Variants in PCDHA4 observed in about 807,000 individuals in gnomAD.
PCDHA4 encodes the protein protocadherin alpha-4.
Under a neutral mutation model 61.4 loss-of-function variants are expected in PCDHA4, and 49 were observed. That is an observed-to-expected ratio of 0.80 (90% CI 0.63 to 1.01). The LOEUF is 1.01. Among genes scored for constraint, PCDHA4 ranks in the 50% least tolerant of loss-of-function variants. The probability of loss-of-function intolerance (pLI) is 0.00; values close to 1 mark genes in which losing one functional copy is unlikely to be tolerated. For synonymous variants in PCDHA4, 590 were observed against 550.3 expected (o/e 1.07, Z -1.01); for missense variants, 1,254 against 1,235.8 (o/e 1.01, Z -0.22).
chr5:140,830,698 C>A, intron 1 of PCDHA4: 1 of 278,556 alleles, frequency 3.6e-6, no homozygotes, highest in Non-Finnish European at 6.4e-6. Flanking sequence ...ATCTGCACCT[C>A]AGAATTTTTG....
intron 1 of PCDHA4, among the ~76,000 whole-genome samples, chr5:140,846,616 C>T (rs2150392938): frequency 5.4e-5 from 8 of 149,000 alleles, no homozygotes; most frequent in East Asian, 3.9e-4. Flanking sequence ...CCTCCTGATC[C>T]GCCCACTTCG....
intron 1 of PCDHA4, chr5:140,869,287 C>G (rs782369184): frequency 6.2e-7 from 1 of 1,613,538 alleles, no homozygotes; most frequent in South Asian, 1.1e-5. Flanking sequence ...GCTGGTGCAG[C>G]GCCTGTTCCG....
intron 1 of PCDHA4, among the ~76,000 whole-genome samples, chr5:140,975,411 G>A (rs868983297): frequency 6.6e-6 from 1 of 152,236 alleles, no homozygotes; most frequent in African/African-American, 2.4e-5. Flanking sequence ...CAGTCTTGGA[G>A]ACTATTCAGG....
intron 3 of PCDHA4, among the ~76,000 whole-genome samples, chr5:140,995,391 G>A (rs2097681152): frequency 1.3e-5 from 2 of 152,170 alleles, no homozygotes; most frequent in African/African-American, 2.4e-5. Context: ...AGGATAAAGC[G>A]GGATGGCTCG....
At chr5:140,822,246 G>A (rs2150114892) in intron 1 of PCDHA4, 11 of 1,614,194 alleles carry the variant, frequency 6.8e-6, no homozygotes, top group East Asian at 4.5e-5. Context: ...AGGGCGCGTC[G>A]GATTTGGATA....
chr5:140,814,816 GCTAT>G (rs1765597379), intron 1 of PCDHA4: 1 of 152,104 alleles, frequency 6.6e-6, no homozygotes, highest in Non-Finnish European at 1.5e-5. Context: ...TTATTGTATT[GCTAT>G]CTATTTCTCC....
chr5:140,956,259 A>G (rs534711265), intron 1 of PCDHA4, among the ~76,000 whole-genome samples: 1 of 152,252 alleles, frequency 6.6e-6, no homozygotes, highest in African/African-American at 2.4e-5. Flanking sequence ...GGTTTTGCCC[A>G]TTCAGTGTGG....
At chr5:140,878,371 G>A (rs543191231) in intron 1 of PCDHA4, among the ~76,000 whole-genome samples, 53 of 152,276 alleles carry the variant, frequency 3.5e-4, no homozygotes, top group Non-Finnish European at 6.5e-4. Flanking sequence ...TCTGACATAT[G>A]ATGAATGATT....
chr5:140,921,940 C>T (rs114983283), intron 1 of PCDHA4, among the ~76,000 whole-genome samples: 6,108 of 151,846 alleles, frequency 0.04, 136 homozygotes, highest in Non-Finnish European at 0.052. Context: ...TATAATTTTA[C>T]ACTTGTAAAA....
chr5:140,934,511 T>A (rs999288213), intron 1 of PCDHA4, among the ~76,000 whole-genome samples: 1 of 152,210 alleles, frequency 6.6e-6, no homozygotes, highest in African/African-American at 2.4e-5. Context: ...AAAGGGTCCA[T>A]AGACCACACT....
chr5:140,927,275 A>G, intron 1 of PCDHA4: 1 of 1,614,124 alleles, frequency 6.2e-7, no homozygotes, highest in Non-Finnish European at 8.5e-7. Flanking sequence ...CCTGCCGGCG[A>G]CGTGCAGCTG....
intron 1 of PCDHA4, among the ~76,000 whole-genome samples, chr5:140,959,741 C>T (rs1415934970): frequency 6.6e-6 from 1 of 152,068 alleles, no homozygotes; most frequent in Admixed American, 6.6e-5. Flanking sequence ...CATCAAAATG[C>T]CTTAAAGTAT....
At chr5:140,862,382 G>A (rs1213049114) in intron 1 of PCDHA4, 1 of 345,048 alleles carries the variant, frequency 2.9e-6, no homozygotes, top group East Asian at 7.5e-5. Context: ...GACTCCTCAC[G>A]TCTCTTCAAG....
rs1554150153 is a variant in PCDHA4 at position 140,857,511 on chromosome 5, T to C, written c.2385+47939T>C. 5 of 1,598,148 alleles carry C rather than the reference T, an allele frequency of 3.1e-6. No homozygotes were observed. In the South Asian group the frequency reaches 5.5e-5, roughly 18 times the overall value. On this transcript the variant is annotated intron_variant, in intron 1 of 3. Transcript: ENST00000530339. ...GACGCGGACGCGCAGGAGAACGCCC[T>C]GGTGTCCTACTCTCTGGTGGAGCGG...
intron 1 of PCDHA4, chr5:140,830,716 A>G (rs1437776192): frequency 8.4e-6 from 2 of 237,240 alleles, no homozygotes; most frequent in Non-Finnish European, 1.6e-5. Flanking sequence ...TTGTCTTCAA[A>G]CCAAAATATT....
intron 1 of PCDHA4, chr5:140,830,286 G>C (rs1434180043): frequency 6.2e-7 from 1 of 1,613,738 alleles, no homozygotes; most frequent in Non-Finnish European, 8.5e-7. Flanking sequence ...GAGGGCGCGT[G>C]CACGGCGGAC....
intron 1 of PCDHA4, among the ~76,000 whole-genome samples, chr5:140,972,955 C>T (rs1450892735): frequency 6.6e-6 from 1 of 152,080 alleles, no homozygotes; most frequent in African/African-American, 2.4e-5. Context: ...AGCCACCATG[C>T]CCGGCAAAGG....
chr5:140,982,827 T>G (rs2097010165), intron 3 of PCDHA4, among the ~76,000 whole-genome samples: 1 of 140,992 alleles, frequency 7.1e-6, no homozygotes, highest in Non-Finnish European at 1.6e-5. Flanking sequence ...TTTTTGGGGT[T>G]TGTTTGTTTG....
intron 1 of PCDHA4, chr5:140,927,303 G>T: frequency 6.2e-7 from 1 of 1,614,150 alleles, no homozygotes. Flanking sequence ...CCGAGTTCCT[G>T]ACGCCCGGAG....
Sources: allele counts gnomAD v4.1 joint callset (sites outside exome capture counted in the v4.1 genomes callset), GRCh38; gene constraint gnomAD v4.1.1; transcripts MANE v1.5; gene names NCBI Gene and HGNC (gene_info 2026-07-23, HGNC 2026-07-21).